Variants in CFAP20DC observed in about 807,000 individuals in gnomAD.
CFAP20DC encodes protein CFAP20DC.
CFAP20DC carries 84 observed loss-of-function variants against 101.7 expected under a neutral mutation model. That is an observed-to-expected ratio of 0.83 (90% CI 0.69 to 0.99). The LOEUF (loss-of-function observed/expected upper bound fraction) is 0.99. Among genes scored for constraint, CFAP20DC ranks in the 50% least tolerant of loss-of-function variants. The pLI, the probability that CFAP20DC is intolerant of heterozygous loss-of-function variation, is 0.00. For synonymous variants in CFAP20DC, 359 were observed against 351.2 expected, an observed-to-expected ratio of 1.02 and a Z score of -0.25; for missense variants, 1,007 against 970.3, an observed-to-expected ratio of 1.04 and a Z score of -0.50.
At chr3:58,784,979 T>A (rs2072189935) in intron 15 of CFAP20DC, among the ~76,000 whole-genome samples, 1 of 152,120 alleles carries the variant, frequency 6.6e-6, no homozygotes, top group Non-Finnish European at 1.5e-5. Context: ...TACCTGCACT[T>A]ACCTGTTTAT....
At chr3:58,953,134 G>A (rs552381774) in intron 4 of CFAP20DC, among the ~76,000 whole-genome samples, 14 of 152,254 alleles carry the variant, frequency 9.2e-5, no homozygotes, top group Non-Finnish European at 1.8e-4. Flanking sequence ...ATAAGGCAAC[G>A]TTTAAGCTGA....
At chr3:58,750,049 C>T (rs1216552048) in intron 16 of CFAP20DC, among the ~76,000 whole-genome samples, 1 of 152,122 alleles carries the variant, frequency 6.6e-6, no homozygotes, top group Non-Finnish European at 1.5e-5. Flanking sequence ...AGTGCTCTTC[C>T]TGCTGGCCGG....
rs1192538697 is a variant in CFAP20DC, at chr3:58,722,731, G to A, written c.198-5103C>T. Reference sequence around the variant, plus strand: ...TTTAATTGTTATTTTGGGATCAGTTGCTTTTGAAAGATCCCCCAGCTGATA... The same window carrying A: ...TTTAATTGTTATTTTGGGATCAGTTACTTTTGAAAGATCCCCCAGCTGATA... On this transcript the variant is annotated intron_variant, in intron 3 of 3. Coordinates refer to the CFAP20DC transcript ENST00000486145. The surrounding 1 kb of genome is among the most constrained non-coding windows in gnomAD (Gnocchi z 4.5). Among the ~76,000 whole-genome samples, 3 of 152,170 alleles carry A rather than the reference G, an allele frequency of 2.0e-5. No individual in the cohort carries two copies. The highest frequency in any genetic ancestry group is 7.2e-5 in the African/African-American group (3 of 41,446).
intron 5 of CFAP20DC, among the ~76,000 whole-genome samples, chr3:58,933,598 A>G (rs1435764847): frequency 3.3e-5 from 5 of 152,258 alleles, no homozygotes; most frequent in Non-Finnish European, 7.3e-5. Flanking sequence ...AAATCAAACC[A>G]GAACTCAGGA....
chr3:58,965,919 T>C (rs890253857), intron 4 of CFAP20DC, among the ~76,000 whole-genome samples: 26 of 152,176 alleles, frequency 1.7e-4, no homozygotes, highest in Non-Finnish European at 1.5e-4. Context: ...GTGAAAATGG[T>C]AGAGAAAAGA....
chr3:58,829,955 A>C (rs2076287274), intron 14 of CFAP20DC, among the ~76,000 whole-genome samples: 1 of 152,166 alleles, frequency 6.6e-6, no homozygotes, highest in Non-Finnish European at 1.5e-5. Flanking sequence ...ATTTTATAAG[A>C]AAGGCAATGT....
At chr3:58,734,800 A>C (rs1353436733) in intron 3 of CFAP20DC, among the ~76,000 whole-genome samples, 2 of 152,114 alleles carry the variant, frequency 1.3e-5, no homozygotes, top group Non-Finnish European at 2.9e-5. Context: ...AGCCCAAAGC[A>C]CTTACCATTC....
intron 13 of CFAP20DC, among the ~76,000 whole-genome samples, chr3:58,842,350 T>C (rs956784807): frequency 6.6e-6 from 1 of 152,138 alleles, no homozygotes; most frequent in Non-Finnish European, 1.5e-5. Context: ...TTGCCTCACC[T>C]GGGAAGCGCA....
chr3:59,049,313 T>C (rs150853482), intron 1 of CFAP20DC, among the ~76,000 whole-genome samples: 1 of 152,322 alleles, frequency 6.6e-6, no homozygotes, highest in African/African-American at 2.4e-5. Flanking sequence ...CCCTCAAGAT[T>C]CTGATTCAGG....
intron 4 of CFAP20DC, among the ~76,000 whole-genome samples, chr3:59,020,261 TA>T (rs1246476810): frequency 6.6e-6 from 1 of 151,780 alleles, no homozygotes; most frequent in Non-Finnish European, 1.5e-5. Flanking sequence ...TCTCAATGCT[TA>T]TTAAGAGTGT....
chr3:58,881,797 A>T (rs1221413925), intron 7 of CFAP20DC, among the ~76,000 whole-genome samples: 6 of 152,146 alleles, frequency 3.9e-5, no homozygotes, highest in Non-Finnish European at 7.4e-5. Flanking sequence ...TACTTTTTAG[A>T]AAGACACAAA....
chr3:58,730,529 G>A (rs997654103), intron 3 of CFAP20DC, among the ~76,000 whole-genome samples: 2 of 152,182 alleles, frequency 1.3e-5, no homozygotes, highest in Non-Finnish European at 2.9e-5. Flanking sequence ...TGAATATACT[G>A]AGAGTAAAAC....
chr3:59,041,614 C>T (rs2109254320), intron 3 of CFAP20DC, among the ~76,000 whole-genome samples: 1 of 152,194 alleles, frequency 6.6e-6, no homozygotes, highest in South Asian at 2.1e-4. Flanking sequence ...TCAAAAATGT[C>T]CATCAAGTAC....
In CFAP20DC at chr3:59,034,725, G is replaced by C. The variant is rs570245134; in HGVS notation, c.278+4832C>G. On this transcript the variant is annotated intron_variant, in intron 4 of 16. Coordinates refer to ENST00000482387, the MANE Select transcript of CFAP20DC (RefSeq NM_001394063.1). ...TCTTAGAGACCAACAAAGAGACTTA[G>C]ACTCCACAAAATAATAGTGGGAGAC... Among the ~76,000 whole-genome samples, 24 of 152,248 alleles carry C rather than the reference G, an allele frequency of 1.6e-4. No individual in the cohort carries two copies. In the East Asian group the frequency reaches 3.5e-3, roughly 22 times the overall value.
chr3:58,883,532 T>C (rs1189164432), intron 7 of CFAP20DC, among the ~76,000 whole-genome samples: 1 of 152,216 alleles, frequency 6.6e-6, no homozygotes, highest in African/African-American at 2.4e-5. Flanking sequence ...CTCAGTCTTC[T>C]GCTCCATCTT....
At chr3:58,969,699 T>C (rs1478856) in intron 4 of CFAP20DC, among the ~76,000 whole-genome samples, 12,863 of 152,198 alleles carry the variant, frequency 0.085, 1,791 homozygotes, top group African/African-American at 0.29. Flanking sequence ...ATGGAAACAA[T>C]AGTTCTTATT....
intron 4 of CFAP20DC, among the ~76,000 whole-genome samples, chr3:59,016,868 C>G (rs1394462824): frequency 2.6e-5 from 4 of 152,022 alleles, no homozygotes; most frequent in African/African-American, 9.7e-5. Flanking sequence ...CCTGGAAGTG[C>G]TTATAATCCA....
intron 15 of CFAP20DC, among the ~76,000 whole-genome samples, chr3:58,777,666 A>G (rs2071454272): frequency 6.6e-6 from 1 of 152,198 alleles, no homozygotes; most frequent in African/African-American, 2.4e-5. Context: ...GGACAGACTT[A>G]AATATTATCT....
chr3:58,890,790 C>T (rs1183899923), intron 6 of CFAP20DC, among the ~76,000 whole-genome samples: 42 of 139,398 alleles, frequency 3.0e-4, no homozygotes, highest in African/African-American at 1.0e-3. Context: ...CCAGATGGGG[C>T]GGCGGGGCAG....
Sources: allele counts gnomAD v4.1 joint callset (sites outside exome capture counted in the v4.1 genomes callset), GRCh38; gene constraint gnomAD v4.1.1; non-coding constraint Gnocchi (gnomAD v3.1); transcripts MANE v1.5; gene names NCBI Gene and HGNC (gene_info 2026-07-23, HGNC 2026-07-21).